The following KCNN2 variants were observed in gnomAD, a reference collection of about 807,000 sequenced individuals.
KCNN2 encodes the protein small conductance calcium-activated potassium channel protein 2.
Under a neutral mutation model 55.5 loss-of-function variants are expected in KCNN2, and 24 were observed. That is an observed-to-expected ratio of 0.43 (90% CI 0.31 to 0.61). The LOEUF (loss-of-function observed/expected upper bound fraction) is 0.61. KCNN2 is among the 20% of genes least tolerant of loss of function. The probability of loss-of-function intolerance (pLI) is 0.08; values close to 1 mark genes in which losing one functional copy is unlikely to be tolerated. For missense variants in KCNN2, 754 were observed against 853.6 expected, an observed-to-expected ratio of 0.88 and a Z score of 1.45; for synonymous variants, 431 against 336.1, an observed-to-expected ratio of 1.28 and a Z score of -3.09.
chr5:114,185,075 T>A (rs1753305022), intron 1 of KCNN2, among the ~76,000 whole-genome samples: 1 of 152,196 alleles, frequency 6.6e-6, no homozygotes, highest in African/African-American at 2.4e-5. Context: ...TGGTTGTTGA[T>A]GAATAGTGGA....
chr5:114,326,568 A>G (rs568967869), intron 2 of KCNN2, among the ~76,000 whole-genome samples: 1 of 152,272 alleles, frequency 6.6e-6, no homozygotes, highest in East Asian at 1.9e-4. Flanking sequence ...CTTCTGCACA[A>G]TTCCTCTGAA....
intron 2 of KCNN2, among the ~76,000 whole-genome samples, chr5:114,240,786 A>G (rs1224163431): frequency 1.2e-4 from 19 of 152,156 alleles, no homozygotes; most frequent in Admixed American, 1.2e-3. Context: ...TATCACTGCT[A>G]TTACTCAAGT....
At chr5:114,331,414 A>G (rs1756819604) in intron 2 of KCNN2, among the ~76,000 whole-genome samples, 1 of 152,218 alleles carries the variant, frequency 6.6e-6, no homozygotes, top group South Asian at 2.1e-4. Context: ...TGAATCAGCT[A>G]CATGCAGGCC....
At chr5:114,473,827 C>G (rs1370770458) in intron 5 of KCNN2, among the ~76,000 whole-genome samples, 5 of 152,098 alleles carry the variant, frequency 3.3e-5, no homozygotes, top group African/African-American at 9.7e-5. Flanking sequence ...TGCTATTATT[C>G]TGGCCATTTT....
chr5:114,081,772 T>A (rs971609902), intron 1 of KCNN2, among the ~76,000 whole-genome samples: 4 of 152,098 alleles, frequency 2.6e-5, no homozygotes, highest in African/African-American at 9.7e-5. Flanking sequence ...ACAAATCAGA[T>A]TTCATGAACA....
chr5:114,444,653 A>G (rs1448769834), intron 3 of KCNN2, among the ~76,000 whole-genome samples: 1 of 152,170 alleles, frequency 6.6e-6, no homozygotes, highest in East Asian at 1.9e-4. Context: ...ATTTGATTTC[A>G]GGCACCTTGG....
chr5:114,476,047 TA>T (rs1561407941), intron 5 of KCNN2, among the ~76,000 whole-genome samples: 1 of 152,100 alleles, frequency 6.6e-6, no homozygotes, highest in African/African-American at 2.4e-5. Flanking sequence ...CTTTTTTTTT[TA>T]AATTATACTT....
chr5:114,169,883 T>C (rs140602079), intron 1 of KCNN2, among the ~76,000 whole-genome samples: 1 of 152,200 alleles, frequency 6.6e-6, no homozygotes, highest in East Asian at 1.9e-4. Flanking sequence ...TCAGAGAAGA[T>C]GGTAATTTTG....
chr5:114,191,052 G>T (rs79563279), intron 1 of KCNN2, among the ~76,000 whole-genome samples: 2,692 of 152,240 alleles, frequency 0.018, 72 homozygotes, highest in African/African-American at 0.061. Flanking sequence ...TACATCCATG[G>T]TGATGATCCT....
At chr5:114,276,887 G>A (rs1580685363) in intron 2 of KCNN2, among the ~76,000 whole-genome samples, 1 of 152,090 alleles carries the variant, frequency 6.6e-6, no homozygotes, top group East Asian at 1.9e-4. Context: ...TATGGTGCTA[G>A]CTGGTTATTT....
intron 3 of KCNN2, among the ~76,000 whole-genome samples, chr5:114,440,193 GA>G (rs1293612284): frequency 1.3e-5 from 2 of 152,052 alleles, no homozygotes; most frequent in Admixed American, 6.6e-5. Flanking sequence ...GTCAGAAAAA[GA>G]AAAGAAAAAA....
intron 1 of KCNN2, among the ~76,000 whole-genome samples, chr5:114,211,084 A>G (rs1753872789): frequency 1.3e-5 from 2 of 152,220 alleles, no homozygotes; most frequent in Admixed American, 1.3e-4. Context: ...GGTTGTGGAG[A>G]AAAGTGGACA....
intron 3 of KCNN2, among the ~76,000 whole-genome samples, chr5:114,447,223 A>T (rs945279106): frequency 1.3e-5 from 2 of 152,214 alleles, no homozygotes; most frequent in Non-Finnish European, 2.9e-5. Flanking sequence ...CAAGCTGGGC[A>T]CATAGTAATT....
At chr5:114,075,099 A>G (rs926564633) in intron 1 of KCNN2, among the ~76,000 whole-genome samples, 5 of 152,200 alleles carry the variant, frequency 3.3e-5, no homozygotes, top group African/African-American at 1.2e-4. Flanking sequence ...TATTATGTGA[A>G]TGATTGGTGA....
At chr5:114,091,111 A>G (rs945779237) in intron 1 of KCNN2, among the ~76,000 whole-genome samples, 7 of 152,148 alleles carry the variant, frequency 4.6e-5, no homozygotes, top group African/African-American at 1.7e-4. Context: ...ATGTGCTGGG[A>G]TTACAGGTGT....
At chr5:114,370,131 G>A (rs1397985234) in intron 2 of KCNN2, among the ~76,000 whole-genome samples, 1 of 152,048 alleles carries the variant, frequency 6.6e-6, no homozygotes, top group East Asian at 1.9e-4. Context: ...AACACATGGA[G>A]GGATCTTAAT....
intron 1 of KCNN2, among the ~76,000 whole-genome samples, chr5:114,073,535 T>C (rs1224115803): frequency 6.6e-6 from 1 of 152,200 alleles, no homozygotes; most frequent in Non-Finnish European, 1.5e-5. Flanking sequence ...TCATTTACAG[T>C]TCTTCAGGCC....
chr5:114,112,399 G>A (rs1404396628), intron 1 of KCNN2, among the ~76,000 whole-genome samples: 1 of 152,154 alleles, frequency 6.6e-6, no homozygotes, highest in Non-Finnish European at 1.5e-5. Flanking sequence ...GCTGGGTGCA[G>A]CAAACCAACA....
chr5:114,204,558 C>A (rs1043466784), intron 1 of KCNN2, among the ~76,000 whole-genome samples: 1 of 152,152 alleles, frequency 6.6e-6, no homozygotes, highest in African/African-American at 2.4e-5. Context: ...GTTACCACTT[C>A]TTTTCCTCTT....
Sources: gnomAD v4.1 joint callset for allele counts (sites outside exome capture counted in the v4.1 genomes callset) on GRCh38, gnomAD v4.1.1 for gene constraint, MANE v1.5 for transcripts, NCBI Gene and HGNC (gene_info 2026-07-23, HGNC 2026-07-21) for gene names.